SORBS2: variants seen among roughly 807,000 people sequenced by gnomAD.
The protein encoded by SORBS2 is sorbin and SH3 domain containing 2.
Under a neutral mutation model 97.7 loss-of-function variants are expected in SORBS2, and 46 were observed. The ratio of observed to expected loss-of-function variants is 0.47; its 90% CI spans 0.37 to 0.60. SORBS2 has a LOEUF of 0.60. Among genes scored for constraint, SORBS2 ranks in the 20% least tolerant of loss-of-function variants. SORBS2 has a pLI of 0.00. For missense variants in SORBS2, 1,316 were observed against 1,282.3 expected (o/e 1.03, Z -0.40); for synonymous variants, 476 against 473.4 (o/e 1.01, Z -0.07).
upstream of SORBS2, chr4:185,657,656 G>A: frequency 6.8e-7 from 1 of 1,461,726 alleles, no homozygotes; most frequent in Non-Finnish European, 9.4e-7. Context: ...ATAAATTCAT[G>A]TGTCTTGTTG....
At chr4:185,791,456 G>A (rs1024489039) in intron 1 of SORBS2, among the ~76,000 whole-genome samples, 1 of 152,042 alleles carries the variant, frequency 6.6e-6, no homozygotes. Context: ...AAAAAACCTA[G>A]CTCACAGTGG....
intron 1 of SORBS2, among the ~76,000 whole-genome samples, chr4:185,910,434 G>A (rs1036882802): frequency 2.0e-4 from 30 of 152,060 alleles, no homozygotes; most frequent in Admixed American, 3.9e-4. Context: ...TCCCAACTCT[G>A]GAGACTTTCT....
intron 1 of SORBS2, among the ~76,000 whole-genome samples, chr4:185,940,988 G>A: frequency 6.6e-6 from 1 of 152,130 alleles, no homozygotes; most frequent in East Asian, 1.9e-4. Flanking sequence ...AGAGGCTAGG[G>A]ATGCTACAAT....
intron 1 of SORBS2, among the ~76,000 whole-genome samples, chr4:185,894,770 C>T (rs901859360): frequency 6.6e-6 from 1 of 152,236 alleles, no homozygotes; most frequent in African/African-American, 2.4e-5. Flanking sequence ...AACACACCAT[C>T]ATCCCAGATG....
intron 4 of SORBS2, among the ~76,000 whole-genome samples, chr4:185,672,995 A>G (rs1416948373): frequency 6.6e-6 from 1 of 152,222 alleles, no homozygotes; most frequent in African/African-American, 2.4e-5. Flanking sequence ...AAATAGATAA[A>G]GACAACGTGG....
At chr4:185,724,581 G>T (rs1329435884) in intron 2 of SORBS2, among the ~76,000 whole-genome samples, 1 of 152,100 alleles carries the variant, frequency 6.6e-6, no homozygotes, top group Non-Finnish European at 1.5e-5. Context: ...CTAATACCTA[G>T]CCAAAGTATG....
At chr4:185,679,223 T>C (rs2097839108) in intron 2 of SORBS2, among the ~76,000 whole-genome samples, 1 of 152,200 alleles carries the variant, frequency 6.6e-6, no homozygotes, top group South Asian at 2.1e-4. Context: ...TTGATAAGCA[T>C]ATTTAACTCC....
chr4:185,885,801 C>G (rs1350326909), intron 1 of SORBS2, among the ~76,000 whole-genome samples: 1 of 152,206 alleles, frequency 6.6e-6, no homozygotes, highest in East Asian at 1.9e-4. Context: ...CACACACGCC[C>G]ACTCCACTTC....
chr4:185,686,259 AG>A (rs1359393886), intron 2 of SORBS2, among the ~76,000 whole-genome samples: 2 of 152,182 alleles, frequency 1.3e-5, no homozygotes, highest in African/African-American at 2.4e-5. Flanking sequence ...AGATTGGTAA[AG>A]ATGCTCGGAA....
intron 6 of SORBS2, among the ~76,000 whole-genome samples, 175 bp downstream of exon 18, chr4:185,626,657 C>T (rs1293169577): frequency 2.6e-5 from 4 of 152,088 alleles, no homozygotes; most frequent in Non-Finnish European, 5.9e-5. Context: ...CTAAGTGGCT[C>T]GCCAGCTTGA....
At chr4:185,664,009 C>T (rs1322514236) in intron 4 of SORBS2, among the ~76,000 whole-genome samples, 2 of 151,922 alleles carry the variant, frequency 1.3e-5, no homozygotes, top group African/African-American at 2.4e-5. Context: ...CGCCCACCAC[C>T]ACGCCCGGCT....
chr4:185,941,479 T>C (rs958115907), intron 1 of SORBS2, among the ~76,000 whole-genome samples: 1 of 152,236 alleles, frequency 6.6e-6, no homozygotes, highest in South Asian at 2.1e-4. Context: ...TCTAGACATA[T>C]AGGAGGCCCT....
intron 1 of SORBS2, among the ~76,000 whole-genome samples, chr4:185,834,545 T>C (rs1201321432): frequency 6.6e-6 from 1 of 152,198 alleles, no homozygotes; most frequent in Non-Finnish European, 1.5e-5. Context: ...AGGCAGAATG[T>C]AATCAGTGCT....
chr4:185,732,284 A>G (rs1157189500), intron 2 of SORBS2, among the ~76,000 whole-genome samples: 1 of 152,200 alleles, frequency 6.6e-6, no homozygotes, highest in African/African-American at 2.4e-5. Context: ...GATAATCTCA[A>G]TAGCATGTGT....
At chr4:185,691,231 C>T (rs2098087736) in intron 2 of SORBS2, among the ~76,000 whole-genome samples, 1 of 151,856 alleles carries the variant, frequency 6.6e-6, no homozygotes. Flanking sequence ...GAGGGTTGTG[C>T]TCTGTTACCC....
At chr4:185,660,347 C>T (rs1026689555), upstream of SORBS2, among the ~76,000 whole-genome samples, 1 of 152,102 alleles carries the variant, frequency 6.6e-6, no homozygotes, top group African/African-American at 2.4e-5. Context: ...TGTGTAAATG[C>T]ATAGTTCCAT....
chr4:185,793,028 C>T (rs567703675), intron 1 of SORBS2, among the ~76,000 whole-genome samples: 25 of 152,312 alleles, frequency 1.6e-4, no homozygotes, highest in African/African-American at 5.5e-4. Context: ...GAATTTGGCA[C>T]GCTGCCTGAC....
chr4:185,605,844 G>C (rs2096405873), intron 12 of SORBS2, among the ~76,000 whole-genome samples: 1 of 152,176 alleles, frequency 6.6e-6, no homozygotes, highest in Non-Finnish European at 1.5e-5. Flanking sequence ...CTCGGCCTCT[G>C]GAAGTGCTGG....
At chr4:185,897,596 G>T (rs1231148480) in intron 1 of SORBS2, among the ~76,000 whole-genome samples, 1 of 152,200 alleles carries the variant, frequency 6.6e-6, no homozygotes, top group East Asian at 1.9e-4. Flanking sequence ...AACCTTCAGA[G>T]GGTGAAGGGA....
Sources: allele counts gnomAD v4.1 joint callset (sites outside exome capture counted in the v4.1 genomes callset), GRCh38; gene constraint gnomAD v4.1.1; transcripts MANE v1.5; gene names NCBI Gene and HGNC (gene_info 2026-07-23, HGNC 2026-07-21).